WDR86: variants seen among roughly 807,000 people sequenced by gnomAD.
WDR86 encodes the protein WD repeat-containing protein 86.
Under a neutral mutation model 36.5 loss-of-function variants are expected in WDR86, and 30 were observed. The observed-to-expected ratio is 0.82, with a 90% CI of 0.61 to 1.11. The LOEUF (loss-of-function observed/expected upper bound fraction) is 1.11, where lower values mean the gene tolerates loss of function less well. WDR86 is among the 50% of genes most tolerant of loss of function. The pLI is 0.00. For missense variants in WDR86, 545 were observed against 561.2 expected (o/e 0.97, Z 0.29); for synonymous variants, 255 against 252.9 (o/e 1.01, Z -0.08).
chr7:151,379,845 A>G (rs182431863), downstream of WDR86, among the ~76,000 whole-genome samples: 53 of 152,292 alleles, frequency 3.5e-4, no homozygotes, highest in African/African-American at 1.2e-3. Flanking sequence ...AGCATCACCA[A>G]GCAGCAGTGT....
At position 151,400,169 on chromosome 7, in the gene WDR86, A is replaced by AC. The variant is rs762155097; in HGVS notation, c.235_236insG (p.Ile79SerfsTer38). The AC allele has an allele frequency of 2.5e-6, 4 of 1,612,410 alleles. No individual in the cohort carries two copies. The South Asian group carries it at 4.4e-5, about 18-fold the overall frequency. On this transcript the variant is annotated frameshift_variant, in exon 2 of 6. Coordinates refer to ENST00000334493, the MANE Select transcript of WDR86 (RefSeq NM_198285.3). LOFTEE classifies it high-confidence loss of function. Reference sequence around the variant, plus strand: ...CCCGGTCAGCACGTCCCACCTCCTGATGGTGCAGTCGGCGCTGCATGTGAA... The same window carrying AC: ...CCCGGTCAGCACGTCCCACCTCCTGACTGGTGCAGTCGGCGCTGCATGTGAA...
chr7:151,371,085 C>T (rs747542758), downstream of WDR86, among the ~76,000 whole-genome samples: 15 of 152,038 alleles, frequency 9.9e-5, no homozygotes, highest in Non-Finnish European at 2.1e-4. Flanking sequence ...GTTAAAAGCC[C>T]TTGGAGAAAA....
chr7:151,383,767 C>T, intron 4 of WDR86, among the ~76,000 whole-genome samples: 1 of 152,250 alleles, frequency 6.6e-6, no homozygotes, highest in East Asian at 1.9e-4. Flanking sequence ...GCTGAGCTCC[C>T]CGCGGGTGGG....
In WDR86 at chr7:151,381,801, C is replaced by G. The variant is rs969389146; in HGVS notation, c.967-55G>C. On this transcript the variant is annotated intron_variant, in intron 5 of 5. Transcript: ENST00000334493. This position sits in a 1 kb window ranked among gnomAD's most constrained non-coding sequence, Gnocchi z 4.8. Reference sequence around the variant, plus strand: ...GACGCGGTAGGCGGGGGGGACACCGCTGCCCGCGTGGATGGATCGGGGCGG... The same window carrying G: ...GACGCGGTAGGCGGGGGGGACACCGGTGCCCGCGTGGATGGATCGGGGCGG... 1.3e-6 allele frequency: 2 copies of G among 1,515,044 alleles called. No individual in the cohort carries two copies. Among genetic ancestry groups the G allele is most frequent in the Non-Finnish European group, 1.8e-6 (2 of 1,128,438 alleles). 93.9% of individuals were successfully genotyped at this position (1,515,044 alleles called of 1,614,324 possible). A position where few individuals can be genotyped will look rare whatever the true frequency, so the allele number is the denominator to read the frequency against.
In WDR86 at chr7:151,381,490, C is replaced by G; in HGVS notation, c.*92G>C. The G allele has an allele frequency of 6.8e-6, 10 of 1,464,090 alleles. No homozygotes were observed. The highest frequency in any genetic ancestry group is 8.9e-6 in the Non-Finnish European group (10 of 1,117,494). 90.7% of individuals were successfully genotyped at this position (1,464,090 alleles called of 1,614,324 possible). On this transcript the variant is annotated 3_prime_UTR_variant, in exon 6 of 6. Transcript: ENST00000334493. This position sits in a 1 kb window ranked among gnomAD's most constrained non-coding sequence, Gnocchi z 4.8. Reference sequence around the variant, plus strand: ...GGCTTCCTCGCTCCTCGCCCCTCGCCGGCCATCGGGCGCCACCACCGCGGG... The same window carrying G: ...GGCTTCCTCGCTCCTCGCCCCTCGCGGGCCATCGGGCGCCACCACCGCGGG...
At chr7:151,372,766 G>A (rs1798021449), downstream of WDR86, among the ~76,000 whole-genome samples, 1 of 152,116 alleles carries the variant, frequency 6.6e-6, no homozygotes, top group African/African-American at 2.4e-5. Context: ...CTGGAATGAC[G>A]GAGCCTGCTG....
At chr7:151,369,823 T>C in the WDR86 span, among the ~76,000 whole-genome samples, 2 of 152,194 alleles carry the variant, frequency 1.3e-5, no homozygotes, top group Admixed American at 1.3e-4. Context: ...TCGTTTCCCT[T>C]TTTGCTAAAC....
chr7:151,399,207 GATT>G (rs1800106663), intron 2 of WDR86, among the ~76,000 whole-genome samples: 1 of 152,154 alleles, frequency 6.6e-6, no homozygotes, highest in South Asian at 2.1e-4. Flanking sequence ...ATCGACTATC[GATT>G]ATTATTCCTG....
chr7:151,386,777 G>A lies in WDR86; in HGVS notation c.727-1554C>T, dbSNP rs577186552. ...AGACCACCCCTCCTGCCTCAGGCTC[G>A]GAGGCCCTGCAGGGCCCAGCTTCCC... On this transcript the variant is annotated intron_variant, in intron 3 of 5. Transcript: ENST00000334493. 2.2e-4 allele frequency among the ~76,000 whole-genome samples: 34 copies of A among 152,114 alleles called. No individual in the cohort carries two copies. In the East Asian group the frequency reaches 5.8e-3, roughly 26 times the overall value.
At position 151,397,989 on chromosome 7, in the gene WDR86, G is replaced by A. The variant is rs1002461394; in HGVS notation, c.306-1793C>T. 2.3e-4 allele frequency among the ~76,000 whole-genome samples: 35 copies of A among 152,320 alleles called. 4 individuals carry two copies. Among genetic ancestry groups the A allele is most frequent in the Admixed American group, 2.0e-3 (31 of 15,306 alleles). On this transcript the variant is annotated intron_variant, in intron 2 of 5. Coordinates refer to ENST00000334493, the MANE Select transcript of WDR86 (RefSeq NM_198285.3). ...CTGACCTGGCTCTGAAAACTCGGGA[G>A]GAAGTGAGTTCCTGATTTATGAGGA...
intron 1 of WDR86, among the ~76,000 whole-genome samples, chr7:151,402,710 A>AG (rs1800431873): frequency 6.6e-6 from 1 of 151,634 alleles, no homozygotes. Context: ...CCAAGAGTGG[A>AG]GGGCCATGCC....
chr7:151,385,269 GC>G (rs770755086), intron 3 of WDR86, 46 bp from the exon 4 acceptor site: 89 of 1,603,760 alleles, frequency 5.5e-5, no homozygotes, highest in South Asian at 3.0e-4. Flanking sequence ...CAGCTCTGAA[GC>G]CCCCCAGACC....
At chr7:151,382,140 C>T (rs925358798) in intron 4 of WDR86, among the ~76,000 whole-genome samples, 159 bp from the exon 5 acceptor site, 28 of 152,226 alleles carry the variant, frequency 1.8e-4, no homozygotes, top group Non-Finnish European at 3.7e-4. Context: ...TCCAGAGAAA[C>T]GGGTCCCCAC....
At chr7:151,395,693 T>C (rs1433199150) in intron 3 of WDR86, 83 bp downstream of exon 3, 2 of 1,433,850 alleles carry the variant, frequency 1.4e-6, no homozygotes, top group East Asian at 5.0e-5. Context: ...TGCAGCCGAA[T>C]CACAGATACC....
At chr7:151,408,163 C>G (rs887226114) in intron 1 of WDR86, among the ~76,000 whole-genome samples, 3 of 150,076 alleles carry the variant, frequency 2.0e-5, no homozygotes, top group Admixed American at 2.0e-4. Context: ...TTTGAAATAT[C>G]TGCCCTAACT....
At chr7:151,396,236 G>C in intron 2 of WDR86, 40 bp from the exon 3 acceptor site, 1 of 1,609,594 alleles carries the variant, frequency 6.2e-7, no homozygotes. Context: ...CAGAAGGCAC[G>C]GGTTCCAGAA....
chr7:151,372,445 C>T (rs944980758), downstream of WDR86, among the ~76,000 whole-genome samples: 5 of 152,218 alleles, frequency 3.3e-5, no homozygotes, highest in African/African-American at 9.7e-5. Context: ...TGGCTGGCAG[C>T]GTCCTTCTCT....
At chr7:151,377,059 C>A, downstream of WDR86, 1 of 1,560,028 alleles carries the variant, frequency 6.4e-7, no homozygotes. Flanking sequence ...ACCTCTAGTG[C>A]CTCAACAGAC....
intron 3 of WDR86, among the ~76,000 whole-genome samples, chr7:151,393,259 ATGCATG>A (rs1006414406): frequency 1.3e-5 from 2 of 152,168 alleles, no homozygotes; most frequent in Non-Finnish European, 2.9e-5. Flanking sequence ...CGCGCGTATC[ATGCATG>A]TGCATGTGGA....
Sources: allele counts gnomAD v4.1 joint callset (sites outside exome capture counted in the v4.1 genomes callset), GRCh38; gene constraint gnomAD v4.1.1; non-coding constraint Gnocchi (gnomAD v3.1); transcripts MANE v1.5; gene names NCBI Gene and HGNC (gene_info 2026-07-23, HGNC 2026-07-21).